EP300: variants seen among roughly 807,000 people sequenced by gnomAD.
The protein encoded by EP300 is EP300 lysine acetyltransferase.
Under a neutral mutation model 264.0 loss-of-function variants are expected in EP300, and 31 were observed. The observed-to-expected ratio is 0.12, with a 90% CI of 0.09 to 0.16. The LOEUF is 0.16. Among genes scored for constraint, EP300 ranks in the 10% least tolerant of loss-of-function variants. The probability of loss-of-function intolerance (pLI) is 1.00; values close to 1 mark genes in which losing one functional copy is unlikely to be tolerated. For synonymous variants in EP300, 1,340 were observed against 1,045.4 expected (o/e 1.28, Z -5.44); for missense variants, 2,766 against 3,052.9 (o/e 0.91, Z 2.21).
Position 41,178,084 on chromosome 22 carries a change from C to A in EP300, c.6373C>A (p.His2125Asn). 2 of 1,614,136 alleles carry A rather than the reference C, an allele frequency of 1.2e-6. No homozygotes were observed. Among genetic ancestry groups the A allele is most frequent in the Non-Finnish European group, 1.7e-6 (2 of 1,179,992 alleles). ...TACCATGCCAGGTCAGCAGGGGGTC[C>A]ACTCCAATCCAGCCATGCAGAACAT... is the stretch of plus-strand genomic sequence containing the variant. ...PPTMPGQQGV[H>N]SNPAMQNMNP... The change falls in exon 31 of 31, where the codon CAC becomes AAC. Residue 2125 changes from histidine (H) to asparagine (N), a missense_variant. Physicochemically the swap from His to Asn is moderately conservative, Grantham distance 68. Coordinates refer to ENST00000263253, the MANE Select transcript of EP300 (RefSeq NM_001429.4).
chr22:41,149,184 C>G lies in EP300; in HGVS notation c.2379+9C>G, dbSNP rs1157215150. 6.2e-7 allele frequency: 1 copy of G among 1,614,080 alleles called. No individual in the cohort carries two copies. The highest frequency in any genetic ancestry group is 8.5e-7 in the Non-Finnish European group (1 of 1,179,986). On this transcript the variant is annotated intron_variant, in intron 13 of 30. Coordinates refer to ENST00000263253, the MANE Select transcript of EP300 (RefSeq NM_001429.4). ...AAGCTCCAGTGTCTCAAGTATGTCT[C>G]ATAAGTGGATTTTTCACTTATTTTT... is the stretch of plus-strand genomic sequence containing the variant.
At chr22:41,104,635 A>G (rs1262474616) in intron 1 of EP300, among the ~76,000 whole-genome samples, 1 of 152,194 alleles carries the variant, frequency 6.6e-6, no homozygotes, top group East Asian at 1.9e-4. Flanking sequence ...TAATACATTG[A>G]AAAAGAGCAA....
Position 41,141,057 on chromosome 22 carries a change from T to C in EP300, c.1888T>C (p.Tyr630His). Residue 630 changes from tyrosine (Y) to histidine (H), a missense_variant, in exon 10 of 31, where the codon TAC becomes CAC. Transcript: ENST00000263253. ...TTCAACAATTCAAAAGGCGGAATAC[T>C]ACCACCTTCTAGCTGAGAAAATCTA... ...YESANNRAEY[Y>H]HLLAEKIYKI... 1.2e-6 allele frequency: 2 copies of C among 1,614,014 alleles called. No individual in the cohort carries two copies. The highest frequency in any genetic ancestry group is 1.7e-6 in the Non-Finnish European group (2 of 1,179,958).
intron 19 of EP300, 126 bp downstream of exon 19, chr22:41,158,626 A>G (rs1201560637): frequency 3.9e-6 from 3 of 779,146 alleles, no homozygotes; most frequent in Non-Finnish European, 6.5e-6. Context: ...GTATAGCACA[A>G]GTTCTGTTTT....
chr22:41,115,672 A>G (rs1257952701), intron 1 of EP300, among the ~76,000 whole-genome samples: 2 of 152,106 alleles, frequency 1.3e-5, no homozygotes, highest in Admixed American at 6.6e-5. Context: ...TTGGCCTTCT[A>G]AAGTACTGAG....
intron 8 of EP300, among the ~76,000 whole-genome samples, 159 bp from the exon 9 acceptor site, chr22:41,139,981 C>T (rs527395296): frequency 6.6e-6 from 1 of 152,098 alleles, no homozygotes; most frequent in African/African-American, 2.4e-5. Context: ...GACAAAAATT[C>T]TTTTGTTTAT....
Position 41,117,818 on chromosome 22 carries a change from T to C in EP300, c.726T>C (p.Leu242=). Residue 242 remains leucine, a synonymous_variant, in exon 2 of 31, where the codon CTT becomes CTC. Coordinates refer to ENST00000263253, the MANE Select transcript of EP300 (RefSeq NM_001429.4). The part of the protein sequence containing the change: ...GQTGLRGPQP[L]KMGMMNNPNP... ...CAGGATTGAGAGGCCCCCAGCCTCT[T>C]AAGGTAAGTACAGTTTTGGTTTGTG... 6.2e-7 allele frequency: 1 copy of C among 1,613,870 alleles called. No individual in the cohort carries two copies. Among genetic ancestry groups the C allele is most frequent in the Non-Finnish European group, 8.5e-7 (1 of 1,180,020 alleles).
chr22:41,162,354 C>T (rs2059112755), intron 20 of EP300, among the ~76,000 whole-genome samples: 1 of 152,088 alleles, frequency 6.6e-6, no homozygotes, highest in Non-Finnish European at 1.5e-5. Flanking sequence ...AATGGTAAGA[C>T]TGTTAGCTTT....
chr22:41,118,372 A>G (rs2058832983), intron 2 of EP300, among the ~76,000 whole-genome samples: 1 of 152,264 alleles, frequency 6.6e-6, no homozygotes, highest in Non-Finnish European at 1.5e-5. Context: ...AATGCTAAGT[A>G]TATTAAAAAT....
At chr22:41,135,321 C>G (rs1448848768) in intron 6 of EP300, among the ~76,000 whole-genome samples, 2 of 152,178 alleles carry the variant, frequency 1.3e-5, no homozygotes, top group African/African-American at 4.8e-5. Context: ...TTTTGTTTTT[C>G]AAAGTTATGT....
At chr22:41,131,767 A>G in intron 6 of EP300, 134 bp downstream of exon 6, 3 of 1,319,364 alleles carry the variant, frequency 2.3e-6, no homozygotes, top group South Asian at 2.5e-5. Context: ...ATTACAGTGT[A>G]AAAGGTCCCT....
chr22:41,112,210 G>A (rs2058796083), intron 1 of EP300, among the ~76,000 whole-genome samples: 1 of 144,342 alleles, frequency 6.9e-6, no homozygotes, highest in Non-Finnish European at 1.5e-5. Flanking sequence ...ATGTGTGTGT[G>A]AGACAGTCTC....
intron 10 of EP300, among the ~76,000 whole-genome samples, chr22:41,143,669 A>G (rs1224270483): frequency 6.6e-6 from 1 of 151,916 alleles, no homozygotes; most frequent in Non-Finnish European, 1.5e-5. Context: ...TCTGCCTCCC[A>G]GATTCAGTTG....
rs1601599008 is a variant in EP300, at chr22:41,118,601, A to T, written c.729+780A>T. On this transcript the variant is annotated intron_variant, in intron 2 of 30. Transcript: ENST00000263253. ...ATTGGAGATAGGTACGATTTTCACA[A>T]GGAGTCAAGAGCAAGCTTTCTCTGT... is the stretch of plus-strand genomic sequence containing the variant. Among the ~76,000 whole-genome samples the T allele has an allele frequency of 3.9e-5, 6 of 152,362 alleles. 2 individuals carry two copies. The highest frequency in any genetic ancestry group is 3.9e-4 in the Admixed American group (6 of 15,300).
intron 1 of EP300, among the ~76,000 whole-genome samples, chr22:41,103,133 A>G (rs2058740927): frequency 6.6e-6 from 1 of 152,178 alleles, no homozygotes; most frequent in Non-Finnish European, 1.5e-5. Flanking sequence ...TACAGGCATG[A>G]GCAGCTGTGC....
rs138584705 is a variant in EP300 at position 41,178,022 on chromosome 22, C to T, written c.6311C>T (p.Pro2104Leu). The change falls in exon 31 of 31, where the codon CCT (proline) becomes CTT (leucine). Residue 2104 changes from proline to leucine, a missense_variant. Physicochemically the swap from Pro to Leu is moderately conservative, Grantham distance 98. Coordinates refer to ENST00000263253, the MANE Select transcript of EP300 (RefSeq NM_001429.4). ...NSNPQPIPGQ[P>L]GMPQGQPGLQ... ...AATCCACAACCCATCCCTGGGCAGCCTGGCATGCCCCAGGGGCAGCCAGGG... is the reference window on the plus strand; with the variant it reads ...AATCCACAACCCATCCCTGGGCAGCTTGGCATGCCCCAGGGGCAGCCAGGG... 1.2e-5 allele frequency: 19 copies of T among 1,613,968 alleles called. No individual in the cohort carries two copies. Among genetic ancestry groups the T allele is most frequent in the Non-Finnish European group, 1.4e-5 (17 of 1,179,984 alleles).
Position 41,156,922 on chromosome 22 carries a change from T to G in EP300, c.3262-247T>G, listed in dbSNP as rs66776572. Among the ~76,000 whole-genome samples the G allele has an allele frequency of 0.27, 41,119 of 152,154 alleles. 6,554 individuals carry two copies. The highest frequency in any genetic ancestry group is 0.55 in the East Asian group (2,854 of 5,166). Reference sequence around the variant, plus strand: ...ACTTTCATAAAGAACCTGAAGTTGCTTCAGTAGAATATCAGCCTGATGTCT... The same window carrying G: ...ACTTTCATAAAGAACCTGAAGTTGCGTCAGTAGAATATCAGCCTGATGTCT... On this transcript the variant is annotated intron_variant, in intron 17 of 30. Transcript: ENST00000263253.
At chr22:41,100,596 C>T (rs748092560) in intron 1 of EP300, among the ~76,000 whole-genome samples, 6 of 152,262 alleles carry the variant, frequency 3.9e-5, no homozygotes, top group Non-Finnish European at 7.4e-5. Context: ...CATGTACAGA[C>T]TTTATTTTCT....
At position 41,097,089 on chromosome 22, in the gene EP300, T is replaced by C. The variant is rs185527774; in HGVS notation, c.94+3991T>C. 1.2e-4 allele frequency among the ~76,000 whole-genome samples: 19 copies of C among 152,362 alleles called. 1 individual carries two copies. In the East Asian group the frequency reaches 2.7e-3, roughly 22 times the overall value. ...GTTTGCTTCTGGAGTCTTGCAGATA[T>C]AGCTCCTGATTTAGTGAGGCATTTC... On this transcript the variant is annotated intron_variant, in intron 1 of 30. Transcript: ENST00000263253.
Sources: gnomAD v4.1 joint callset for allele counts (sites outside exome capture counted in the v4.1 genomes callset) on GRCh38, gnomAD v4.1.1 for gene constraint, MANE v1.5 for transcripts, NCBI Gene and HGNC (gene_info 2026-07-23, HGNC 2026-07-21) for gene names.